Variants in CTNNA2 observed in about 807,000 individuals in gnomAD.
CTNNA2 encodes the protein catenin alpha-2.
In CTNNA2, 42 loss-of-function variants were observed where a neutral mutation model predicts 101.0. The observed-to-expected ratio is 0.42, with a 90% CI of 0.32 to 0.54. The LOEUF (loss-of-function observed/expected upper bound fraction) is 0.54. CTNNA2 is among the 20% of genes least tolerant of loss of function. The probability of loss-of-function intolerance (pLI) is 0.14; values close to 1 mark genes in which losing one functional copy is unlikely to be tolerated. For missense variants in CTNNA2, 871 were observed against 1,223.1 expected (o/e 0.71, Z 4.29); for synonymous variants, 450 against 456.4 (o/e 0.99, Z 0.18).
At chr2:80,494,450 CTT>C (rs1313743791) in intron 9 of CTNNA2, among the ~76,000 whole-genome samples, 1 of 151,944 alleles carries the variant, frequency 6.6e-6, no homozygotes, top group African/African-American at 2.4e-5. Flanking sequence ...TTTTTAATGA[CTT>C]TTTATAATAA....
At chr2:79,787,007 T>C (rs538459859) in intron 3 of CTNNA2, among the ~76,000 whole-genome samples, 2 of 152,178 alleles carry the variant, frequency 1.3e-5, no homozygotes, top group South Asian at 4.1e-4. Context: ...TGCCTTGGCA[T>C]TATCTCCTCT....
chr2:79,844,075 G>T (rs1271630214), intron 3 of CTNNA2, among the ~76,000 whole-genome samples: 3 of 152,066 alleles, frequency 2.0e-5, no homozygotes, highest in Non-Finnish European at 2.9e-5. Flanking sequence ...TACGTTCACT[G>T]GCAGGTACAA....
At chr2:80,390,236 G>A (rs1573923834) in intron 7 of CTNNA2, among the ~76,000 whole-genome samples, 1 of 152,086 alleles carries the variant, frequency 6.6e-6, no homozygotes, top group South Asian at 2.1e-4. Flanking sequence ...CTTCCCAAAG[G>A]CAACATCTTC....
At chr2:80,538,490 C>T (rs1330680366) in intron 9 of CTNNA2, among the ~76,000 whole-genome samples, 1 of 152,056 alleles carries the variant, frequency 6.6e-6, no homozygotes, top group African/African-American at 2.4e-5. Context: ...GAATCCTTTC[C>T]CCATTGCATG....
chr2:80,378,656 A>G (rs1388010807), intron 7 of CTNNA2: 1 of 152,204 alleles, frequency 6.6e-6, no homozygotes, highest in South Asian at 2.1e-4. Context: ...TGACATAATT[A>G]GAAGCAACAA....
chr2:80,055,857 A>G (rs139195464), intron 7 of CTNNA2, among the ~76,000 whole-genome samples: 2 of 152,312 alleles, frequency 1.3e-5, no homozygotes, highest in Non-Finnish European at 2.9e-5. Context: ...AGTGCGTCCC[A>G]AACTGGCCAA....
chr2:79,693,794 A>G lies in CTNNA2; in HGVS notation c.102+42136A>G, dbSNP rs1406036024. 3.3e-5 allele frequency among the ~76,000 whole-genome samples: 5 copies of G among 151,964 alleles called. 1 individual carries two copies. The East Asian group carries it at 9.7e-4, about 29-fold the overall frequency. The stretch of plus-strand genomic sequence containing the variant: ...TCTCCAGAAATATTAAACATGATGT[A>G]GGAAATCAGCAGCAGGGAATAAAGT... On this transcript the variant is annotated intron_variant, in intron 2 of 18. Transcript: ENST00000402739.
At chr2:79,310,436 T>C (rs1321559602) in intron 2 of CTNNA2, among the ~76,000 whole-genome samples, 1 of 152,228 alleles carries the variant, frequency 6.6e-6, no homozygotes, top group Non-Finnish European at 1.5e-5. Context: ...TACATACATT[T>C]AAACCACTCT....
intron 2 of CTNNA2, among the ~76,000 whole-genome samples, chr2:79,685,088 A>G (rs1683844849): frequency 2.0e-5 from 3 of 152,168 alleles, no homozygotes; most frequent in Admixed American, 2.0e-4. Context: ...AGATTTCCTG[A>G]TATTAAATAT....
At chr2:80,502,899 G>T (rs1687984870) in intron 9 of CTNNA2, among the ~76,000 whole-genome samples, 1 of 152,190 alleles carries the variant, frequency 6.6e-6, no homozygotes, top group African/African-American at 2.4e-5. Context: ...GGGCATGGAG[G>T]CTTATGCCTG....
chr2:80,313,240 A>G (rs1677772298), intron 7 of CTNNA2: 1 of 396,626 alleles, frequency 2.5e-6, no homozygotes, highest in African/African-American at 2.2e-5. Context: ...AGATGCATTT[A>G]TCTCTTCATT....
At chr2:79,695,923 C>A (rs1684623722) in intron 2 of CTNNA2, among the ~76,000 whole-genome samples, 1 of 152,020 alleles carries the variant, frequency 6.6e-6, no homozygotes, top group Non-Finnish European at 1.5e-5. Flanking sequence ...TCTCTTTTGG[C>A]CAATATTTGC....
intron 2 of CTNNA2, among the ~76,000 whole-genome samples, chr2:79,210,860 G>T (rs1674162537): frequency 6.6e-6 from 1 of 152,034 alleles, no homozygotes; most frequent in Non-Finnish European, 1.5e-5. Context: ...GATGTAACTT[G>T]CCCCTAAATT....
intron 4 of CTNNA2, among the ~76,000 whole-genome samples, chr2:79,375,235 C>T (rs1235754972): frequency 6.6e-6 from 1 of 152,138 alleles, no homozygotes; most frequent in Non-Finnish European, 1.5e-5. Flanking sequence ...AATTCTGATT[C>T]TGATTTTTAC....
intron 3 of CTNNA2, among the ~76,000 whole-genome samples, chr2:79,852,168 G>C (rs900826858): frequency 6.6e-6 from 1 of 152,208 alleles, no homozygotes; most frequent in Non-Finnish European, 1.5e-5. Context: ...ATGATATGCA[G>C]TTGTAGCTAT....
In CTNNA2 at chr2:80,459,845, G is replaced by A. The variant is rs2149470138; in HGVS notation, c.1290+40244G>A. ...TCAATTCCCCTGCCAGGGTACTCAGGTCTTTGTAGGCTTGGTGTAAGCATA... is the reference window on the plus strand; with the variant it reads ...TCAATTCCCCTGCCAGGGTACTCAGATCTTTGTAGGCTTGGTGTAAGCATA... On this transcript the variant is annotated intron_variant, in intron 9 of 18. Transcript: ENST00000402739. Among the ~76,000 whole-genome samples the A allele has an allele frequency of 1.3e-5, 2 of 152,252 alleles. 1 individual carries two copies. The highest frequency in any genetic ancestry group is 3.9e-4 in the East Asian group (2 of 5,168).
At chr2:79,212,621 C>A (rs961483099) in intron 2 of CTNNA2, among the ~76,000 whole-genome samples, 4 of 152,068 alleles carry the variant, frequency 2.6e-5, no homozygotes, top group African/African-American at 2.4e-5. Context: ...TAATGAAGGC[C>A]GGTCCACTAT....
At chr2:80,099,015 G>A (rs1700364574) in intron 7 of CTNNA2, among the ~76,000 whole-genome samples, 1 of 151,896 alleles carries the variant, frequency 6.6e-6, no homozygotes, top group African/African-American at 2.4e-5. Flanking sequence ...CCACTGTCCT[G>A]CACCCACTGT....
chr2:80,529,467 A>G (rs1419563500), intron 9 of CTNNA2, among the ~76,000 whole-genome samples: 1 of 152,220 alleles, frequency 6.6e-6, no homozygotes, highest in Non-Finnish European at 1.5e-5. Flanking sequence ...TGCTAAAACA[A>G]TAATTGCAAT....
Sources: allele counts gnomAD v4.1 joint callset (sites outside exome capture counted in the v4.1 genomes callset), GRCh38; gene constraint gnomAD v4.1.1; transcripts MANE v1.5; gene names NCBI Gene and HGNC (gene_info 2026-07-23, HGNC 2026-07-21).